The following CENPF variants were observed in gnomAD, a reference collection of about 807,000 sequenced individuals.
CENPF encodes the protein AH antigen.
CENPF carries 214 observed loss-of-function variants against 307.3 expected under a neutral mutation model. The observed-to-expected ratio is 0.70, with a 90% confidence interval of 0.62 to 0.78. The LOEUF is 0.78. CENPF is among the 30% of genes least tolerant of loss of function. The pLI is 0.00. For synonymous variants in CENPF, 1,259 were observed against 1,270.6 expected (o/e 0.99, Z 0.19); for missense variants, 3,401 against 3,483.9 (o/e 0.98, Z 0.60).
chr1:214,624,748 T>C (rs1657607180), intron 7 of CENPF, among the ~76,000 whole-genome samples: 1 of 152,226 alleles, frequency 6.6e-6, no homozygotes, highest in African/African-American at 2.4e-5. Context: ...ATTTCATTGA[T>C]TGCTGCTTGC....
intron 1 of CENPF, among the ~76,000 whole-genome samples, chr1:214,611,429 G>A (rs1490372381): frequency 1.3e-5 from 2 of 151,880 alleles, no homozygotes; most frequent in Admixed American, 6.6e-5. Context: ...GCAGTGGTGC[G>A]ATCTCAGCTC....
Position 214,663,745 on chromosome 1 carries a change from C to G in CENPF, c.9296C>G (p.Pro3099Arg), listed in dbSNP as rs1302834585. Residue 3099 changes from proline to arginine, a missense_variant, in exon 20 of 20, where the codon CCC becomes CGC. Physicochemically the swap from Pro to Arg is moderately radical, Grantham distance 103. Coordinates refer to ENST00000366955, the MANE Select transcript of CENPF (RefSeq NM_016343.4). ...RVKRGRLVPSPKAGLESNGSE... is the reference protein window; with the variant it reads ...RVKRGRLVPSRKAGLESNGSE... ...AAGCGAGGCCGACTTGTCCCCAGCC[C>G]CAAAGCTGGACTGGAGTCCAACGGC... 6.2e-7 allele frequency: 1 copy of G among 1,613,944 alleles called. No homozygotes were observed. Among genetic ancestry groups the G allele is most frequent in the African/African-American group, 1.3e-5 (1 of 74,894 alleles).
At position 214,658,911 on chromosome 1, in the gene CENPF, A is replaced by G. The variant is rs1339793661; in HGVS notation, c.9024A>G (p.Ala3008=). 2.5e-6 allele frequency: 4 copies of G among 1,614,082 alleles called. No individual in the cohort carries two copies. The highest frequency in any genetic ancestry group is 2.5e-6 in the Non-Finnish European group (3 of 1,179,996). The part of the protein sequence containing the change: ...SPYILRRTTM[A]TRTSPRLAAQ... ...ATATCCTGCGAAGAACAACCATGGC[A>G]ACTCGGACCAGCCCCCGCCTGGCTG... The change falls in exon 19 of 20, where the codon GCA becomes GCG. Residue 3008 remains alanine, a synonymous_variant. Coordinates refer to ENST00000366955, the MANE Select transcript of CENPF (RefSeq NM_016343.4).
rs1658307831 is a variant in CENPF at position 214,646,516 on chromosome 1, A to C, written c.6946A>C (p.Lys2316Gln). The change falls in exon 13 of 20, where the codon AAG becomes CAG. Residue 2316 changes from lysine to glutamine, a missense_variant. By Grantham distance (53) the Lys-to-Gln change is moderately conservative (BLOSUM62 1). Transcript: ENST00000366955. ...LRARLEADEKKQLCVLQQLKE... is the reference protein window; with the variant it reads ...LRARLEADEKQQLCVLQQLKE... ...AGCCCGCCTAGAAGCTGATGAAAAG[A>C]AGCAGCTCTGTGTCTTACAACAACT... 6 of 1,614,158 alleles carry C rather than the reference A, an allele frequency of 3.7e-6. No individual in the cohort carries two copies. The African/African-American group carries it at 5.3e-5, about 14-fold the overall frequency.
At chr1:214,656,030 A>G (rs1043917196) in intron 17 of CENPF, among the ~76,000 whole-genome samples, 2 of 152,220 alleles carry the variant, frequency 1.3e-5, no homozygotes, top group African/African-American at 4.8e-5. Flanking sequence ...TTCTTTGTCA[A>G]TAGATTGGCA....
At chr1:214,605,437 CTTTGT>C (rs1330754180) in intron 1 of CENPF, 6 of 506,740 alleles carry the variant, frequency 1.2e-5, no homozygotes, top group African/African-American at 1.2e-4. Flanking sequence ...GAAGAATCCG[CTTTGT>C]TTTTTTTTTT....
intron 19 of CENPF, among the ~76,000 whole-genome samples, chr1:214,660,289 G>T (rs984205723): frequency 1.3e-5 from 2 of 152,010 alleles, no homozygotes; most frequent in African/African-American, 2.4e-5. Context: ...CACTAAAGTG[G>T]ACCCATTTGT....
chr1:214,652,398 C>T (rs542989196), intron 15 of CENPF, among the ~76,000 whole-genome samples: 10 of 150,612 alleles, frequency 6.6e-5, no homozygotes, highest in South Asian at 4.2e-4. Context: ...GCTGCAAAGT[C>T]GAAATAGTCC....
rs769813055 is a variant in CENPF at position 214,641,053 on chromosome 1, C to T, written c.2715C>T (p.Ala905=). 3 of 1,562,320 alleles carry T rather than the reference C, an allele frequency of 1.9e-6. No homozygotes were observed. Among genetic ancestry groups the T allele is most frequent in the South Asian group, 2.5e-5 (2 of 80,996 alleles). The part of the protein sequence containing the change: ...HQNVVAETLS[A]LENKEKELQL... The stretch of plus-strand genomic sequence containing the variant: ...ATGTTGTTGCTGAAACCTTAAGTGC[C>T]CTTGAGAACAAGGAAAAAGAGCTGC... The change falls in exon 12 of 20, where the codon GCC becomes GCT. Residue 905 remains alanine, a synonymous_variant. Transcript: ENST00000366955.
chr1:214,651,021 T>C (rs1658446878), intron 14 of CENPF, among the ~76,000 whole-genome samples: 1 of 152,230 alleles, frequency 6.6e-6, no homozygotes, highest in Non-Finnish European at 1.5e-5. Flanking sequence ...CTTAGAAGAA[T>C]GTGCCTTTAG....
In CENPF at chr1:214,643,193, G is replaced by C. The variant is rs755294120; in HGVS notation, c.4855G>C (p.Glu1619Gln). 2 of 1,605,898 alleles carry C rather than the reference G, an allele frequency of 1.2e-6. No individual in the cohort carries two copies. The highest frequency in any genetic ancestry group is 8.5e-7 in the Non-Finnish European group (1 of 1,177,514). Residue 1619 changes from glutamate (E) to glutamine (Q), a missense_variant, in exon 12 of 20, where the codon GAG becomes CAG. Physicochemically the swap from Glu to Gln is conservative, Grantham distance 29. Coordinates refer to ENST00000366955, the MANE Select transcript of CENPF (RefSeq NM_016343.4). Reference sequence around the variant, plus strand: ...ACAGAAGCTGACAAGCGTGACTCTGGAGATGGAGTCCAAGTTGGCGGCAGA... The same window carrying C: ...ACAGAAGCTGACAAGCGTGACTCTGCAGATGGAGTCCAAGTTGGCGGCAGA... ...WQQKLTSVTLEMESKLAAEKK... is the reference protein window; with the variant it reads ...WQQKLTSVTLQMESKLAAEKK...
intron 1 of CENPF, chr1:214,605,436 GCTTT>G: frequency 2.0e-6 from 1 of 506,818 alleles, no homozygotes; most frequent in Non-Finnish European, 3.5e-6. Flanking sequence ...AGAAGAATCC[GCTTT>G]GTTTTTTTTT....
rs760629762 is a variant in CENPF at position 214,632,620 on chromosome 1, C to T, written c.1446+18C>T. On this transcript the variant is annotated intron_variant, in intron 10 of 19. Transcript: ENST00000366955. ...GCATGGAGGTAAGGGAGGAGGATGC[C>T]GAATTTTCTCCACTTATGTAAGAAC... The T allele has an allele frequency of 2.1e-5, 33 of 1,609,604 alleles. No individual in the cohort carries two copies. The Admixed American group carries it at 5.1e-4, about 25-fold the overall frequency.
At chr1:214,622,003 AAAAC>A in intron 6 of CENPF, 72 bp from the exon 7 acceptor site, 1 of 1,174,746 alleles carries the variant, frequency 8.5e-7, no homozygotes, top group Non-Finnish European at 1.2e-6. Flanking sequence ...AGAAAAGAAT[AAAAC>A]AAATGATAAG....
Position 214,647,293 on chromosome 1 carries a change from A to T in CENPF, c.7723A>T (p.Lys2575Ter). Reference sequence around the variant, plus strand: ...GCAGAAGATCCAAGTGCTACAATCCAAAAATGCCTCTTTGCAGGACACATT... The same window carrying T: ...GCAGAAGATCCAAGTGCTACAATCCTAAAATGCCTCTTTGCAGGACACATT... ...LEQKIQVLQS[K>*]NASLQDTLEV... Residue 2575 changes from lysine (K) to a stop codon, truncating the protein, a stop_gained, in exon 13 of 20, where the codon AAA becomes TAA. Transcript: ENST00000366955. LOFTEE classifies it high-confidence loss of function. 1 of 1,614,072 alleles carries T rather than the reference A, an allele frequency of 6.2e-7. No homozygotes were observed. Among genetic ancestry groups the T allele is most frequent in the Non-Finnish European group, 8.5e-7 (1 of 1,179,934 alleles).
At chr1:214,657,790 C>T (rs1426545031) in intron 18 of CENPF, among the ~76,000 whole-genome samples, 1 of 152,230 alleles carries the variant, frequency 6.6e-6, no homozygotes, top group Non-Finnish European at 1.5e-5. Flanking sequence ...TGACTGGAGC[C>T]ACTGACTACA....
rs1658069600 is a variant in CENPF at position 214,640,169 on chromosome 1, G to C, written c.1831G>C (p.Glu611Gln). ...AGAGTTAAAAAAGAAAGAATATGAAGAATTGAAAGAAGAGAAAACTCTGTT... is the reference window on the plus strand; with the variant it reads ...AGAGTTAAAAAAGAAAGAATATGAACAATTGAAAGAAGAGAAAACTCTGTT... ...ALELKKKEYE[E>Q]LKEEKTLFSC... Residue 611 changes from glutamate (E) to glutamine (Q), a missense_variant, in exon 12 of 20, where the codon GAA (glutamate) becomes CAA (glutamine). Glu to Gln is a conservative substitution (Grantham distance 29). Coordinates refer to ENST00000366955, the MANE Select transcript of CENPF (RefSeq NM_016343.4). 1.3e-6 allele frequency: 2 copies of C among 1,589,450 alleles called. No individual in the cohort carries two copies.
Position 214,646,337 on chromosome 1 carries a change from C to T in CENPF, c.6767C>T (p.Thr2256Ile). ...AEIQIKEESKTAVEMLQNQLK... is the reference protein window; with the variant it reads ...AEIQIKEESKIAVEMLQNQLK... ...ATACAGATCAAAGAAGAATCTAAAACTGCAGTGGAGATGCTTCAGAATCAG... is the reference window on the plus strand; with the variant it reads ...ATACAGATCAAAGAAGAATCTAAAATTGCAGTGGAGATGCTTCAGAATCAG... The change falls in exon 13 of 20, where the codon ACT (threonine) becomes ATT (isoleucine). Residue 2256 changes from threonine to isoleucine, a missense_variant. By Grantham distance (89) the Thr-to-Ile change is moderately conservative. Coordinates refer to ENST00000366955, the MANE Select transcript of CENPF (RefSeq NM_016343.4). 6.2e-7 allele frequency: 1 copy of T among 1,613,986 alleles called. No individual in the cohort carries two copies. The highest frequency in any genetic ancestry group is 1.1e-5 in the South Asian group (1 of 91,058).
chr1:214,640,893 A>G lies in CENPF; in HGVS notation c.2555A>G (p.Gln852Arg), dbSNP rs1276644656. 2.5e-6 allele frequency: 4 copies of G among 1,605,418 alleles called. No individual in the cohort carries two copies. The highest frequency in any genetic ancestry group is 3.4e-6 in the Non-Finnish European group (4 of 1,177,928). ...QKQMNSDLQK[Q>R]CEELVQIKGE... is the part of the protein sequence containing the mutation. ...CAGATGAACTCAGACCTGCAAAAGCAGTGTGAAGAGTTGGTGCAAATCAAA... is the reference window on the plus strand; with the variant it reads ...CAGATGAACTCAGACCTGCAAAAGCGGTGTGAAGAGTTGGTGCAAATCAAA... The change falls in exon 12 of 20, where the codon CAG (glutamine) becomes CGG (arginine). Residue 852 changes from glutamine to arginine, a missense_variant. Transcript: ENST00000366955.
Sources: gnomAD v4.1 joint callset for allele counts (sites outside exome capture counted in the v4.1 genomes callset) on GRCh38, gnomAD v4.1.1 for gene constraint, MANE v1.5 for transcripts, NCBI Gene and HGNC (gene_info 2026-07-23, HGNC 2026-07-21) for gene names.